The following AUTS2 variants were observed in gnomAD, a reference collection of about 807,000 sequenced individuals.
The protein encoded by AUTS2 is activator of transcription and developmental regulator AUTS2, also known as autism susceptibility gene 2 protein.
AUTS2 carries 17 observed loss-of-function variants against 112.4 expected under a neutral mutation model. The observed-to-expected ratio is 0.15, with a 90% CI of 0.10 to 0.23. The LOEUF (loss-of-function observed/expected upper bound fraction) is 0.23, where lower values mean the gene tolerates loss of function less well. AUTS2 is among the 10% of genes least tolerant of loss of function. The pLI is 1.00. For missense variants in AUTS2, 1,510 were observed against 1,701.6 expected, an observed-to-expected ratio of 0.89 and a Z score of 1.98; for synonymous variants, 751 against 702.7, an observed-to-expected ratio of 1.07 and a Z score of -1.09.
chr7:70,229,346 G>A (rs1584905435), intron 4 of AUTS2, among the ~76,000 whole-genome samples: 1 of 151,996 alleles, frequency 6.6e-6, no homozygotes, highest in East Asian at 1.9e-4. Context: ...CAGAAATTTT[G>A]GTTGACATCT....
At chr7:70,211,235 C>T (rs531161781) in intron 4 of AUTS2, among the ~76,000 whole-genome samples, 1 of 152,124 alleles carries the variant, frequency 6.6e-6, no homozygotes, top group Admixed American at 6.5e-5. Flanking sequence ...TATAAACAGA[C>T]ATATCAAAAG....
At chr7:70,121,637 C>A (rs76941301) in intron 3 of AUTS2, among the ~76,000 whole-genome samples, 19 of 151,952 alleles carry the variant, frequency 1.3e-4, no homozygotes, top group Non-Finnish European at 2.5e-4. Flanking sequence ...TCATTTTATA[C>A]CTAGTAGGAT....
intron 1 of AUTS2, among the ~76,000 whole-genome samples, chr7:69,812,917 C>T (rs1790604770): frequency 6.6e-6 from 1 of 152,156 alleles, no homozygotes; most frequent in Non-Finnish European, 1.5e-5. Flanking sequence ...CCTACTTTGC[C>T]TCCCTGCAGA....
rs1789814737 is a variant in AUTS2, at chr7:70,764,807, C to T, written c.1270C>T (p.His424Tyr). 1 of 963,156 alleles carries T rather than the reference C, an allele frequency of 1.0e-6. No homozygotes were observed. The highest frequency in any genetic ancestry group is 1.4e-5 in the South Asian group (1 of 72,544). 59.7% of individuals were successfully genotyped at this position (963,156 alleles called of 1,614,324 possible). The change falls in exon 8 of 19, where the codon CAC (histidine) becomes TAC (tyrosine). Residue 424 changes from histidine to tyrosine, a missense_variant. By Grantham distance (83) the His-to-Tyr change is moderately conservative. Coordinates refer to ENST00000342771, the MANE Select transcript of AUTS2 (RefSeq NM_015570.4). ...KTQPAPPHIS[H>Y]HPSASPFPLS... ...TCAGCCCGCCCCACCTCACATCTCCCACCACCCCTCTGCCTCCCCGTTCCC... is the reference window on the plus strand; with the variant it reads ...TCAGCCCGCCCCACCTCACATCTCCTACCACCCCTCTGCCTCCCCGTTCCC...
In AUTS2 at chr7:69,884,907, G is replaced by C. The variant is rs556674721; in HGVS notation, c.310-14379G>C. ...TTTATTTGGTCTATGTCTCAGGTCAGTGGGTATATCTTAAGCACTTTTCTG... is the reference window on the plus strand; with the variant it reads ...TTTATTTGGTCTATGTCTCAGGTCACTGGGTATATCTTAAGCACTTTTCTG... On this transcript the variant is annotated intron_variant, in intron 1 of 18. Transcript: ENST00000342771. Among the ~76,000 whole-genome samples, 23 of 152,344 alleles carry C rather than the reference G, an allele frequency of 1.5e-4. No homozygotes were observed. The South Asian group carries it at 4.6e-3, about 30-fold the overall frequency.
At chr7:70,354,832 T>A (rs1187509160) in intron 4 of AUTS2, among the ~76,000 whole-genome samples, 1 of 152,264 alleles carries the variant, frequency 6.6e-6, no homozygotes, top group African/African-American at 2.4e-5. Context: ...TTTGGATGCA[T>A]TGAGTTACAG....
At chr7:70,182,471 A>G (rs1445423099) in intron 4 of AUTS2, among the ~76,000 whole-genome samples, 3 of 152,250 alleles carry the variant, frequency 2.0e-5, no homozygotes, top group Non-Finnish European at 4.4e-5. Flanking sequence ...GACTAGGAGC[A>G]GGAACCATAT....
At chr7:70,319,489 A>G (rs550422286) in intron 4 of AUTS2, among the ~76,000 whole-genome samples, 1 of 152,318 alleles carries the variant, frequency 6.6e-6, no homozygotes, top group Admixed American at 6.5e-5. Context: ...ACTTTGGAGT[A>G]TATCATGAGG....
chr7:70,110,682 T>G (rs1486968304), intron 2 of AUTS2, among the ~76,000 whole-genome samples: 1 of 152,120 alleles, frequency 6.6e-6, no homozygotes, highest in African/African-American at 2.4e-5. Context: ...TCATTTCCTG[T>G]CTAATAATGC....
In AUTS2 at chr7:70,238,735, C is replaced by T. The variant is rs115297424; in HGVS notation, c.660+104164C>T. 9.4e-4 allele frequency among the ~76,000 whole-genome samples: 143 copies of T among 152,116 alleles called. 1 individual carries two copies. Among genetic ancestry groups the T allele is most frequent in the African/African-American group, 3.4e-3 (139 of 41,478 alleles). On this transcript the variant is annotated intron_variant, in intron 4 of 18. Coordinates refer to ENST00000342771, the MANE Select transcript of AUTS2 (RefSeq NM_015570.4). ...AGTAAATACAAATTGTCATTTTCCT[C>T]CTCTTCTTAGCTTTTCTCTTACAAT...
chr7:70,467,194 G>A lies in AUTS2; in HGVS notation c.690+31413G>A, dbSNP rs375889220. On this transcript the variant is annotated intron_variant, in intron 5 of 18. Transcript: ENST00000342771. ...CTCTCTACTGCACAAGGCATAAAAA[G>A]GGTGTAAACAGAGGTAGATTCACCC... 6.4e-4 allele frequency among the ~76,000 whole-genome samples: 98 copies of A among 152,356 alleles called. 2 individuals are homozygous for A. The highest frequency in any genetic ancestry group is 1.0e-3 in the Non-Finnish European group (70 of 68,036).
intron 5 of AUTS2, among the ~76,000 whole-genome samples, chr7:70,470,449 C>G (rs752106913): frequency 5.9e-5 from 9 of 152,180 alleles, no homozygotes; most frequent in East Asian, 1.9e-4. Flanking sequence ...GAAGTCTGCT[C>G]AATAGAGAGA....
At chr7:70,757,632 AT>A (rs1452684697) in intron 6 of AUTS2, among the ~76,000 whole-genome samples, 1 of 151,876 alleles carries the variant, frequency 6.6e-6, no homozygotes, top group Admixed American at 6.6e-5. Context: ...TTTTCATAAA[AT>A]CCATTTTATT....
chr7:70,272,646 T>A (rs978430467), intron 4 of AUTS2, among the ~76,000 whole-genome samples: 1 of 152,198 alleles, frequency 6.6e-6, no homozygotes, highest in Non-Finnish European at 1.5e-5. Context: ...ACCAGGTAAC[T>A]ATTTTGCATC....
At chr7:70,512,507 A>G (rs1318457972) in intron 5 of AUTS2, among the ~76,000 whole-genome samples, 1 of 152,140 alleles carries the variant, frequency 6.6e-6, no homozygotes, top group African/African-American at 2.4e-5. Context: ...TTAGGGAGTG[A>G]CAGGGGCTGT....
At chr7:69,763,870 T>C (rs951689436) in intron 1 of AUTS2, among the ~76,000 whole-genome samples, 1 of 152,232 alleles carries the variant, frequency 6.6e-6, no homozygotes, top group African/African-American at 2.4e-5. Flanking sequence ...TAAATTGTGA[T>C]GTGTTCCTTC....
chr7:69,939,127 G>A (rs992109195), intron 2 of AUTS2, among the ~76,000 whole-genome samples: 1 of 152,142 alleles, frequency 6.6e-6, no homozygotes, highest in African/African-American at 2.4e-5. Flanking sequence ...TTTAACATGT[G>A]TATCAACTTT....
At chr7:69,862,040 G>A (rs993857033) in intron 1 of AUTS2, among the ~76,000 whole-genome samples, 1 of 152,084 alleles carries the variant, frequency 6.6e-6, no homozygotes, top group Non-Finnish European at 1.5e-5. Flanking sequence ...TCTCAATTTG[G>A]GGCACCTGCC....
intron 5 of AUTS2, among the ~76,000 whole-genome samples, chr7:70,493,574 C>T (rs1798333007): frequency 6.6e-6 from 1 of 152,040 alleles, no homozygotes; most frequent in South Asian, 2.1e-4. Context: ...AAGGAAAATA[C>T]TAACTTGCTC....
Sources: allele counts gnomAD v4.1 joint callset (sites outside exome capture counted in the v4.1 genomes callset), GRCh38; gene constraint gnomAD v4.1.1; transcripts MANE v1.5; gene names NCBI Gene and HGNC (gene_info 2026-07-23, HGNC 2026-07-21).